The following B3GALT1 variants were observed in gnomAD, a reference collection of about 807,000 sequenced individuals.
B3GALT1 encodes the protein UDP-Gal:betaGlcNAc beta 1,3-galactosyltransferase, polypeptide 1.
In B3GALT1, 10 loss-of-function variants were observed where a neutral mutation model predicts 23.2. The observed-to-expected ratio is 0.43, with a 90% CI of 0.27 to 0.73. The LOEUF (loss-of-function observed/expected upper bound fraction) is 0.73, where lower values mean the gene tolerates loss of function less well. Ranked by LOEUF, B3GALT1 falls within the 30% of genes least tolerant of loss-of-function variation. The pLI, the probability that B3GALT1 is intolerant of heterozygous loss-of-function variation, is 0.21. For missense variants in B3GALT1, 299 were observed against 405.4 expected, an observed-to-expected ratio of 0.74 and a Z score of 2.25; for synonymous variants, 156 against 141.5, an observed-to-expected ratio of 1.10 and a Z score of -0.73.
intron 3 of B3GALT1, among the ~76,000 whole-genome samples, chr2:167,699,775 C>T (rs1400014149): frequency 2.6e-5 from 4 of 152,088 alleles, no homozygotes; most frequent in South Asian, 2.1e-4. Flanking sequence ...TACAATGATG[C>T]GATCTCGGCT....
chr2:167,553,939 T>G (rs1431923132), intron 2 of B3GALT1, among the ~76,000 whole-genome samples: 2 of 152,174 alleles, frequency 1.3e-5, no homozygotes, highest in African/African-American at 4.8e-5. Context: ...AGTCAACAAC[T>G]GTACAGGCAA....
At chr2:167,741,437 C>T in intron 3 of B3GALT1, among the ~76,000 whole-genome samples, 1 of 152,094 alleles carries the variant, frequency 6.6e-6, no homozygotes, top group Non-Finnish European at 1.5e-5. Context: ...GAAAAGCCAA[C>T]AAGAAAATAC....
rs548410741 is a variant in B3GALT1, at chr2:167,794,037, A to G, written c.-351-24635A>G. On this transcript the variant is annotated intron_variant, in intron 3 of 4. Transcript: ENST00000392690. Reference sequence around the variant, plus strand: ...AATTTAGGATTCTCCACCACCAGATATCTTAGTGGAAGAGCCACAGCAAAC... The same window carrying G: ...AATTTAGGATTCTCCACCACCAGATGTCTTAGTGGAAGAGCCACAGCAAAC... Among the ~76,000 whole-genome samples the G allele has an allele frequency of 1.4e-4, 22 of 152,304 alleles. No homozygotes were observed. The East Asian group carries it at 4.2e-3, about 29-fold the overall frequency.
intron 3 of B3GALT1, among the ~76,000 whole-genome samples, chr2:167,746,204 C>G (rs533153107): frequency 5.8e-4 from 87 of 151,062 alleles, no homozygotes; most frequent in Non-Finnish European, 9.3e-4. Context: ...AAAATTCATG[C>G]TGTGCAACTG....
intron 1 of B3GALT1, among the ~76,000 whole-genome samples, chr2:167,453,568 A>C (rs1230341582): frequency 6.8e-6 from 1 of 147,522 alleles, no homozygotes; most frequent in Non-Finnish European, 1.5e-5. Context: ...TTATAGAATA[A>C]TACTACATTT....
At chr2:167,549,485 T>G (rs190047616) in intron 2 of B3GALT1, among the ~76,000 whole-genome samples, 2 of 152,282 alleles carry the variant, frequency 1.3e-5, no homozygotes, top group Admixed American at 1.3e-4. Context: ...CCCATTAAAG[T>G]CATTAATACG....
At chr2:167,488,581 G>T (rs1255301727) in intron 1 of B3GALT1, among the ~76,000 whole-genome samples, 1 of 152,168 alleles carries the variant, frequency 6.6e-6, no homozygotes, top group Non-Finnish European at 1.5e-5. Context: ...CCTATTGTTT[G>T]TCTGTTTGTT....
At chr2:167,414,276 T>A (rs1460017279) in intron 1 of B3GALT1, among the ~76,000 whole-genome samples, 4 of 152,174 alleles carry the variant, frequency 2.6e-5, no homozygotes, top group Non-Finnish European at 5.9e-5. Context: ...GAATGAATAT[T>A]AACTTTGAAT....
intron 1 of B3GALT1, among the ~76,000 whole-genome samples, chr2:167,457,262 TC>T: frequency 6.6e-6 from 1 of 152,042 alleles, no homozygotes; most frequent in African/African-American, 2.4e-5. Context: ...AGCTTCCGCC[TC>T]CCAGGTTCAA....
chr2:167,514,380 A>G (rs1700070959), intron 2 of B3GALT1, among the ~76,000 whole-genome samples: 1 of 152,340 alleles, frequency 6.6e-6, no homozygotes, highest in East Asian at 1.9e-4. Flanking sequence ...ATAAAATGAC[A>G]TTAATTTTTG....
At chr2:167,433,086 T>A (rs1698729203) in intron 1 of B3GALT1, among the ~76,000 whole-genome samples, 1 of 152,212 alleles carries the variant, frequency 6.6e-6, no homozygotes, top group East Asian at 1.9e-4. Flanking sequence ...TGAATAGTCA[T>A]ATTCATCCCT....
At chr2:167,663,190 A>C (rs2105474565) in intron 3 of B3GALT1, among the ~76,000 whole-genome samples, 1 of 140,558 alleles carries the variant, frequency 7.1e-6, no homozygotes, top group East Asian at 2.2e-4. Context: ...ATTCCCACCT[A>C]TGAGTGAGAA....
intron 3 of B3GALT1, among the ~76,000 whole-genome samples, chr2:167,680,039 C>CT (rs929758874): frequency 3.3e-5 from 5 of 152,142 alleles, no homozygotes; most frequent in African/African-American, 4.8e-5. Context: ...GTCTAAGTTA[C>CT]TTTTTTTTCC....
intron 1 of B3GALT1, among the ~76,000 whole-genome samples, chr2:167,317,056 A>T (rs978135066): frequency 8.6e-5 from 13 of 152,002 alleles, no homozygotes; most frequent in Non-Finnish European, 1.8e-4. Context: ...GCCGTTAAGG[A>T]TTGAGCGGGG....
chr2:167,420,872 T>C (rs1228884734), intron 1 of B3GALT1, among the ~76,000 whole-genome samples: 1 of 152,174 alleles, frequency 6.6e-6, no homozygotes, highest in African/African-American at 2.4e-5. Context: ...ATAGGCATAG[T>C]TGTGGTGGCA....
intron 3 of B3GALT1, among the ~76,000 whole-genome samples, chr2:167,783,415 AT>A (rs899577912): frequency 6.6e-5 from 10 of 152,056 alleles, no homozygotes; most frequent in Non-Finnish European, 1.0e-4. Flanking sequence ...TGCAAAATCC[AT>A]TATGTTCCCT....
chr2:167,499,797 T>C (rs955317529), intron 2 of B3GALT1, among the ~76,000 whole-genome samples: 58 of 152,240 alleles, frequency 3.8e-4, no homozygotes, highest in African/African-American at 1.3e-3. Context: ...TAAATTACAG[T>C]TCTTCCTTTC....
At chr2:167,476,644 C>T (rs1313406611) in intron 1 of B3GALT1, among the ~76,000 whole-genome samples, 2 of 151,424 alleles carry the variant, frequency 1.3e-5, no homozygotes, top group Non-Finnish European at 3.0e-5. Flanking sequence ...TGTACTCACC[C>T]ATTAAAAACA....
At chr2:167,465,871 T>G (rs1354755554) in intron 1 of B3GALT1, among the ~76,000 whole-genome samples, 3 of 152,102 alleles carry the variant, frequency 2.0e-5, no homozygotes, top group Admixed American at 2.0e-4. Context: ...GTGAGTTGAT[T>G]TTCCTCTTCT....
Sources: allele counts gnomAD v4.1 joint callset (sites outside exome capture counted in the v4.1 genomes callset), GRCh38; gene constraint gnomAD v4.1.1; transcripts MANE v1.5; gene names NCBI Gene and HGNC (gene_info 2026-07-23, HGNC 2026-07-21).